Variants in GRM7 observed in about 807,000 individuals in gnomAD.
The protein encoded by GRM7 is glutamate metabotropic receptor 7.
A neutral mutation model predicts 84.5 loss-of-function variants in GRM7; 35 were observed. That is an observed-to-expected ratio of 0.41 (90% CI 0.32 to 0.55). The LOEUF (loss-of-function observed/expected upper bound fraction) is 0.55. Among genes scored for constraint, GRM7 ranks in the 20% least tolerant of loss-of-function variants. GRM7 has a pLI of 0.19. For synonymous variants in GRM7, 487 were observed against 455.1 expected (o/e 1.07, Z -0.89); for missense variants, 1,003 against 1,194.6 (o/e 0.84, Z 2.36).
intron 4 of GRM7, among the ~76,000 whole-genome samples, chr3:7,414,429 G>A (rs73810631): frequency 1.2e-3 from 186 of 152,198 alleles, no homozygotes; most frequent in African/African-American, 4.1e-3. Context: ...ACTGAATCCC[G>A]TATCTTTTTC....
rs567058030 is a variant in GRM7 at position 7,232,452 on chromosome 3, A to G, written c.737-66232A>G. On this transcript the variant is annotated intron_variant, in intron 2 of 9. Transcript: ENST00000357716. ...AAAGGCTCCCTTGTGGATCAGATCG[A>G]GTTAGAAAAATCTAGATGGAAGTGG... Among the ~76,000 whole-genome samples, 405 of 152,258 alleles carry G rather than the reference A, an allele frequency of 2.7e-3. 1 individual carries two copies. The highest frequency in any genetic ancestry group is 9.1e-3 in the African/African-American group (378 of 41,560).
At chr3:7,168,799 A>T (rs906683417) in intron 2 of GRM7, among the ~76,000 whole-genome samples, 1 of 152,198 alleles carries the variant, frequency 6.6e-6, no homozygotes, top group African/African-American at 2.4e-5. Context: ...TACCAAGACT[A>T]GTCCTAAGGT....
chr3:7,070,024 A>C (rs1382881443), intron 1 of GRM7, among the ~76,000 whole-genome samples: 1 of 152,124 alleles, frequency 6.6e-6, no homozygotes, highest in Non-Finnish European at 1.5e-5. Flanking sequence ...CTAGGGAAGC[A>C]GATGGATGAG....
chr3:7,383,673 T>G (rs1203013979), intron 4 of GRM7, among the ~76,000 whole-genome samples: 1 of 152,150 alleles, frequency 6.6e-6, no homozygotes, highest in Non-Finnish European at 1.5e-5. Context: ...ACAGTCCACT[T>G]AAACTAATCT....
At chr3:7,088,943 C>G (rs1451967248) in intron 1 of GRM7, among the ~76,000 whole-genome samples, 1 of 152,062 alleles carries the variant, frequency 6.6e-6, no homozygotes, top group African/African-American at 2.4e-5. Flanking sequence ...AAAAACAGAG[C>G]TCTCTTCAGT....
intron 4 of GRM7, among the ~76,000 whole-genome samples, chr3:7,375,918 T>A (rs1221357166): frequency 1.3e-5 from 2 of 152,162 alleles, no homozygotes; most frequent in Non-Finnish European, 2.9e-5. Context: ...TTCTTCCTTA[T>A]ATCTGCGTTC....
intron 9 of GRM7, 88 bp from the exon 10 acceptor site, chr3:7,740,269 T>C: frequency 1.2e-6 from 1 of 838,312 alleles, no homozygotes; most frequent in Admixed American, 2.3e-5. Flanking sequence ...ACTTTGACTT[T>C]GCACCTCAAG....
intron 8 of GRM7, among the ~76,000 whole-genome samples, chr3:7,671,352 A>G (rs888858276): frequency 6.6e-6 from 1 of 152,052 alleles, no homozygotes. Context: ...CTCTGATTAC[A>G]CTATTTGGGA....
intron 2 of GRM7, among the ~76,000 whole-genome samples, chr3:7,283,588 G>A (rs894456250): frequency 3.3e-5 from 5 of 152,060 alleles, no homozygotes; most frequent in Non-Finnish European, 7.4e-5. Context: ...TGTAAACCAA[G>A]GAGAAAGATT....
chr3:7,498,757 A>G (rs983777698), intron 7 of GRM7, among the ~76,000 whole-genome samples: 1 of 152,170 alleles, frequency 6.6e-6, no homozygotes, highest in African/African-American at 2.4e-5. Context: ...CCTTTTAGCT[A>G]TAAGAAGTTT....
At chr3:7,715,951 C>A (rs1701757972) in intron 9 of GRM7, among the ~76,000 whole-genome samples, 1 of 152,148 alleles carries the variant, frequency 6.6e-6, no homozygotes, top group African/African-American at 2.4e-5. Flanking sequence ...GATTCAGCAG[C>A]CCTTCCCTAA....
intron 7 of GRM7, among the ~76,000 whole-genome samples, chr3:7,574,245 C>T (rs1467797141): frequency 4.0e-5 from 6 of 151,408 alleles, no homozygotes; most frequent in Admixed American, 1.3e-4. Flanking sequence ...CTGCAATCTC[C>T]GCCTCCCGGG....
At chr3:7,650,256 C>G (rs1398556391) in intron 8 of GRM7, among the ~76,000 whole-genome samples, 1 of 152,214 alleles carries the variant, frequency 6.6e-6, no homozygotes, top group Non-Finnish European at 1.5e-5. Context: ...TGAATTCTGG[C>G]TCTGCCCCTT....
intron 2 of GRM7, among the ~76,000 whole-genome samples, chr3:7,245,670 T>C (rs886966013): frequency 3.9e-5 from 6 of 151,962 alleles, no homozygotes; most frequent in Admixed American, 6.6e-5. Context: ...CACTAAAAAA[T>C]GACAAATGGA....
chr3:7,350,547 G>A (rs1031237274), intron 4 of GRM7, among the ~76,000 whole-genome samples: 1 of 151,994 alleles, frequency 6.6e-6, no homozygotes, highest in Admixed American at 6.6e-5. Flanking sequence ...TTCCTGTATA[G>A]CCTGCAAAAC....
At chr3:7,167,465 C>A (rs1694837301) in intron 2 of GRM7, among the ~76,000 whole-genome samples, 1 of 152,160 alleles carries the variant, frequency 6.6e-6, no homozygotes, top group Non-Finnish European at 1.5e-5. Context: ...GAGATTAATT[C>A]TTCCTAGCTT....
chr3:7,021,511 C>G (rs1033981653), intron 1 of GRM7, among the ~76,000 whole-genome samples: 2 of 152,160 alleles, frequency 1.3e-5, no homozygotes, highest in Non-Finnish European at 2.9e-5. Flanking sequence ...CATCTAAAAA[C>G]TGTGGTGCAT....
Position 6,862,761 on chromosome 3 carries a change from A to AC in GRM7, c.519+858dup, listed in dbSNP as rs747671584. 16 of 305,304 alleles carry AC rather than the reference A, an allele frequency of 5.2e-5. No individual in the cohort carries two copies. Among genetic ancestry groups the AC allele is most frequent in the Non-Finnish European group, 1.0e-4 (16 of 153,490 alleles). The allele number at this position is 305,304 out of a possible 1,614,324, so 18.9% of individuals were successfully genotyped here. On this transcript the variant is annotated intron_variant, in intron 1 of 9. Coordinates refer to ENST00000357716, the MANE Select transcript of GRM7 (RefSeq NM_000844.4). This position sits in a 1 kb window ranked among gnomAD's most constrained non-coding sequence, Gnocchi z 5.2. ...CTCACCCACTATCTCCCTGACGCAG[A>AC]CCCCAAGCCAAATCCTCGGCTTGGA... is the stretch of plus-strand genomic sequence containing the variant.
intron 1 of GRM7, among the ~76,000 whole-genome samples, chr3:6,902,439 T>C (rs1258433685): frequency 6.6e-6 from 1 of 152,186 alleles, no homozygotes; most frequent in Non-Finnish European, 1.5e-5. Flanking sequence ...TTTAATGTTA[T>C]TGAAGTATAT....
Sources: allele counts gnomAD v4.1 joint callset (sites outside exome capture counted in the v4.1 genomes callset), GRCh38; gene constraint gnomAD v4.1.1; non-coding constraint Gnocchi (gnomAD v3.1); transcripts MANE v1.5; gene names NCBI Gene and HGNC (gene_info 2026-07-23, HGNC 2026-07-21).